LMO7: variants seen among roughly 807,000 people sequenced by gnomAD.
The protein encoded by LMO7 is LIM domain 7, also known as LIM domain only protein 7.
A neutral mutation model predicts 206.5 loss-of-function variants in LMO7; 120 were observed. That is an observed-to-expected ratio of 0.58 (90% CI 0.50 to 0.68). The LOEUF (loss-of-function observed/expected upper bound fraction) is 0.68. Among genes scored for constraint, LMO7 ranks in the 30% least tolerant of loss-of-function variants. LMO7 has a pLI of 0.00. For missense variants in LMO7, 1,959 were observed against 1,957.9 expected (o/e 1.00, Z -0.01); for synonymous variants, 706 against 681.5 (o/e 1.04, Z -0.56).
chr13:75,686,391 A>G (rs1018808413), intron 1 of LMO7, among the ~76,000 whole-genome samples: 5 of 152,080 alleles, frequency 3.3e-5, no homozygotes, highest in African/African-American at 1.2e-4. Flanking sequence ...ACAGCATGGG[A>G]AAGACTTCCC....
At chr13:75,647,340 T>C (rs2037122138) in intron 1 of LMO7, among the ~76,000 whole-genome samples, 1 of 152,212 alleles carries the variant, frequency 6.6e-6, no homozygotes, top group East Asian at 1.9e-4. Flanking sequence ...GGTTTTGTTG[T>C]ATTAGTTGGG....
At chr13:75,716,541 CTG>C (rs2043548150) in intron 2 of LMO7, among the ~76,000 whole-genome samples, 1 of 152,084 alleles carries the variant, frequency 6.6e-6, no homozygotes, top group African/African-American at 2.4e-5. Flanking sequence ...GATGGGAACA[CTG>C]TCTGATATTT....
chr13:75,837,000 A>G (rs1440719071), intron 19 of LMO7, among the ~76,000 whole-genome samples: 1 of 152,158 alleles, frequency 6.6e-6, no homozygotes, highest in East Asian at 1.9e-4. Flanking sequence ...GCTAGCATAC[A>G]TCGTGTGCTA....
At chr13:75,676,740 G>C (rs1160602053) in intron 1 of LMO7, among the ~76,000 whole-genome samples, 1 of 152,220 alleles carries the variant, frequency 6.6e-6, no homozygotes, top group Non-Finnish European at 1.5e-5. Flanking sequence ...ACTAAGAGGA[G>C]TGCTACGTAA....
At chr13:75,856,208 C>T (rs1468932431) in intron 29 of LMO7, among the ~76,000 whole-genome samples, 1 of 152,140 alleles carries the variant, frequency 6.6e-6, no homozygotes, top group Admixed American at 6.5e-5. Flanking sequence ...CCTGCCATTC[C>T]TCTGGGGGGA....
chr13:75,660,125 A>G (rs1316020433), intron 1 of LMO7, among the ~76,000 whole-genome samples: 2 of 152,224 alleles, frequency 1.3e-5, no homozygotes, highest in Admixed American at 6.5e-5. Flanking sequence ...CATTTAGAAG[A>G]TGTTTATTGA....
intron 27 of LMO7, among the ~76,000 whole-genome samples, chr13:75,849,500 C>A (rs73228002): frequency 1.5e-5 from 2 of 136,388 alleles, no homozygotes; most frequent in Non-Finnish European, 3.2e-5. Context: ...TTTTTTTTTT[C>A]TTTTTTTTTT....
chr13:75,842,531 C>T (rs1247113301), intron 24 of LMO7, among the ~76,000 whole-genome samples: 1 of 152,080 alleles, frequency 6.6e-6, no homozygotes, highest in Non-Finnish European at 1.5e-5. Flanking sequence ...TGTTAGCCTG[C>T]CTGCTGCAGT....
At chr13:75,702,693 AG>A (rs1038254469) in intron 1 of LMO7, among the ~76,000 whole-genome samples, 5 of 152,348 alleles carry the variant, frequency 3.3e-5, no homozygotes, top group African/African-American at 1.2e-4. Flanking sequence ...ATTTCAAAAC[AG>A]GGTTAGAATT....
At chr13:75,741,566 G>T (rs2046415323) in intron 3 of LMO7, among the ~76,000 whole-genome samples, 1 of 152,172 alleles carries the variant, frequency 6.6e-6, no homozygotes, top group African/African-American at 2.4e-5. Flanking sequence ...AGGATGCAAG[G>T]TTGGTTCAAC....
At chr13:75,797,792 C>T (rs1023014251) in intron 6 of LMO7, among the ~76,000 whole-genome samples, 4 of 152,284 alleles carry the variant, frequency 2.6e-5, no homozygotes, top group Admixed American at 2.0e-4. Context: ...TATTCCTGTT[C>T]ACCCCCAAAA....
intron 4 of LMO7, among the ~76,000 whole-genome samples, chr13:75,787,991 A>G (rs2140496884): frequency 6.6e-6 from 1 of 152,320 alleles, no homozygotes; most frequent in East Asian, 1.9e-4. Context: ...AGTGCGATGG[A>G]TGAGCTTCCA....
At position 75,710,308 on chromosome 13, in the gene LMO7, T is replaced by C. The variant is rs2042991439; in HGVS notation, c.70-2874T>C. On this transcript the variant is annotated intron_variant, in intron 1 of 30. Coordinates refer to ENST00000377534, the MANE Select transcript of LMO7 (RefSeq NM_001306080.2). Reference sequence around the variant, plus strand: ...CCCTTTTTTGGTTCCATATGAACTTTAAAGTAGTTTTTTCTAATTCTGTGA... The same window carrying C: ...CCCTTTTTTGGTTCCATATGAACTTCAAAGTAGTTTTTTCTAATTCTGTGA... Among the ~76,000 whole-genome samples, 4 of 152,342 alleles carry C rather than the reference T, an allele frequency of 2.6e-5. No homozygotes were observed. The East Asian group carries it at 7.7e-4, about 29-fold the overall frequency.
chr13:75,777,284 G>C (rs1165546474), intron 4 of LMO7, among the ~76,000 whole-genome samples: 1 of 152,164 alleles, frequency 6.6e-6, no homozygotes, highest in African/African-American at 2.4e-5. Context: ...ATAAAATAAG[G>C]CTAGCCTTAA....
intron 3 of LMO7, among the ~76,000 whole-genome samples, chr13:75,759,269 T>A (rs963998643): frequency 4.6e-5 from 7 of 152,170 alleles, no homozygotes; most frequent in African/African-American, 1.7e-4. Flanking sequence ...GAGAATTGGG[T>A]GGGGACACAC....
At chr13:75,854,192 C>G (rs368231361) in intron 28 of LMO7, among the ~76,000 whole-genome samples, 4 of 152,066 alleles carry the variant, frequency 2.6e-5, no homozygotes, top group Admixed American at 6.6e-5. Flanking sequence ...GGCATGTACT[C>G]CTTTCCATCA....
At position 75,737,907 on chromosome 13, in the gene LMO7, C is replaced by A. The variant is rs543574096; in HGVS notation, c.210+10809C>A. 9.4e-4 allele frequency among the ~76,000 whole-genome samples: 138 copies of A among 146,110 alleles called. 1 individual carries two copies. Among genetic ancestry groups the A allele is most frequent in the Non-Finnish European group, 1.7e-3 (114 of 67,124 alleles). On this transcript the variant is annotated intron_variant, in intron 3 of 30. Coordinates refer to ENST00000377534, the MANE Select transcript of LMO7 (RefSeq NM_001306080.2). The stretch of plus-strand genomic sequence containing the variant: ...CTCTGTACTCTTCACCCAGTTTTCC[C>A]CATTTCCAGCAGAATTTTTTTGGTG...
chr13:75,690,139 T>C (rs962675378), intron 1 of LMO7, among the ~76,000 whole-genome samples: 1 of 152,144 alleles, frequency 6.6e-6, no homozygotes, highest in Middle Eastern at 3.4e-3. Flanking sequence ...CTTACTATGT[T>C]GTCCAGACCA....
intron 4 of LMO7, among the ~76,000 whole-genome samples, chr13:75,778,416 T>C (rs916318859): frequency 3.9e-5 from 6 of 151,992 alleles, no homozygotes; most frequent in Non-Finnish European, 8.8e-5. Context: ...GTATTTTTAG[T>C]AGAGATGGGG....
Sources: gnomAD v4.1 joint callset for allele counts (sites outside exome capture counted in the v4.1 genomes callset) on GRCh38, gnomAD v4.1.1 for gene constraint, MANE v1.5 for transcripts, NCBI Gene and HGNC (gene_info 2026-07-23, HGNC 2026-07-21) for gene names.